SH3BP5: variants seen among roughly 807,000 people sequenced by gnomAD.
The protein encoded by SH3BP5 is SH3 domain binding protein 5.
SH3BP5 carries 22 observed loss-of-function variants against 43.3 expected under a neutral mutation model. The ratio of observed to expected loss-of-function variants is 0.51; its 90% CI spans 0.36 to 0.73. SH3BP5 has a LOEUF of 0.73. SH3BP5 is among the 30% of genes least tolerant of loss of function. The pLI is 0.00. For missense variants in SH3BP5, 529 were observed against 586.9 expected (o/e 0.90, Z 1.02); for synonymous variants, 255 against 225.8 (o/e 1.13, Z -1.16).
At chr3:15,299,534 C>T (rs1409344048) in intron 3 of SH3BP5, among the ~76,000 whole-genome samples, 1 of 131,354 alleles carries the variant, frequency 7.6e-6, no homozygotes, top group Non-Finnish European at 1.6e-5. Flanking sequence ...TGCTCTGTCA[C>T]CCAGGCTGGA....
At chr3:15,291,296 C>T (rs966730298) in intron 3 of SH3BP5, among the ~76,000 whole-genome samples, 8 of 152,172 alleles carry the variant, frequency 5.3e-5, no homozygotes, top group African/African-American at 1.4e-4. Context: ...CACAGCTCCA[C>T]ATGCTGTGGA....
intron 1 of SH3BP5, among the ~76,000 whole-genome samples, chr3:15,331,051 A>G (rs1307179770): frequency 6.6e-6 from 1 of 152,254 alleles, no homozygotes; most frequent in Non-Finnish European, 1.5e-5. Context: ...TCACACTGCC[A>G]ATTATTCAAC....
Position 15,286,103 on chromosome 3 carries a change from C to T in SH3BP5, c.331-16226G>A, listed in dbSNP as rs144405505. On this transcript the variant is annotated intron_variant, in intron 3 of 8. Transcript: ENST00000383791. ...AGACGCTCGGCATGGCTGCAGCCGG[C>T]GGGCCCTGGCCAGAGCAGGCTATCA... 6.8e-3 allele frequency among the ~76,000 whole-genome samples: 1,038 copies of T among 152,344 alleles called. 12 individuals are homozygous for T. The highest frequency in any genetic ancestry group is 0.024 in the African/African-American group (998 of 41,558).
chr3:15,260,011 G>A, intron 5 of SH3BP5: 1 of 598,128 alleles, frequency 1.7e-6, no homozygotes, highest in Non-Finnish European at 3.0e-6. Context: ...CTCACCCAGG[G>A]CTATATTAAC....
intron 4 of SH3BP5, 133 bp downstream of exon 4, chr3:15,269,580 G>C: frequency 1.1e-6 from 1 of 940,816 alleles, no homozygotes; most frequent in East Asian, 2.7e-5. Context: ...AGATCATACG[G>C]AGATGACAAC....
chr3:15,280,381 G>C (rs1358472062), intron 3 of SH3BP5, among the ~76,000 whole-genome samples: 1 of 151,900 alleles, frequency 6.6e-6, no homozygotes, highest in African/African-American at 2.4e-5. Context: ...TACCCAAAAG[G>C]AAAAAAACCC....
intron 2 of SH3BP5, among the ~76,000 whole-genome samples, chr3:15,327,312 C>T (rs907789285): frequency 3.3e-5 from 5 of 151,976 alleles, no homozygotes; most frequent in African/African-American, 1.2e-4. Context: ...AGGCAGGAGA[C>T]TGGCTTGAAC....
chr3:15,274,069 C>T (rs531270632), intron 3 of SH3BP5, among the ~76,000 whole-genome samples: 4 of 152,214 alleles, frequency 2.6e-5, no homozygotes, highest in African/African-American at 7.2e-5. Context: ...CATGGTGAAA[C>T]ACCGTCTCTA....
In SH3BP5 at chr3:15,293,439, C is replaced by G. The variant is rs113652480; in HGVS notation, c.330+10664G>C. ...AGCCACACTGAAGTCCTAGCAGGAACAGGGCACCATGAGGGGAAAGTTCCC... is the reference window on the plus strand; with the variant it reads ...AGCCACACTGAAGTCCTAGCAGGAAGAGGGCACCATGAGGGGAAAGTTCCC... On this transcript the variant is annotated intron_variant, in intron 3 of 8. Transcript: ENST00000383791. Among the ~76,000 whole-genome samples the G allele has an allele frequency of 7.1e-3, 1,075 of 152,326 alleles. 13 individuals carry two copies. The highest frequency in any genetic ancestry group is 0.025 in the African/African-American group (1,021 of 41,566).
At chr3:15,284,602 T>C (rs1191791962) in intron 3 of SH3BP5, among the ~76,000 whole-genome samples, 1 of 152,180 alleles carries the variant, frequency 6.6e-6, no homozygotes, top group African/African-American at 2.4e-5. Flanking sequence ...CCAGCTGGGA[T>C]CAACAAAAGG....
chr3:15,282,930 GT>G (rs1239800335), intron 3 of SH3BP5, among the ~76,000 whole-genome samples: 2 of 152,054 alleles, frequency 1.3e-5, no homozygotes, highest in African/African-American at 4.8e-5. Context: ...ATAATAAAAA[GT>G]TGTAAAGAAA....
intron 1 of SH3BP5, among the ~76,000 whole-genome samples, chr3:15,339,283 CTT>C (rs987567952): frequency 2.6e-5 from 4 of 152,168 alleles, no homozygotes; most frequent in Non-Finnish European, 5.9e-5. Flanking sequence ...AAACTTGTCT[CTT>C]GACCCAGATG....
At chr3:15,269,919 G>A (rs1696752545) in intron 3 of SH3BP5, 42 bp from the exon 4 acceptor site, 2 of 1,470,640 alleles carry the variant, frequency 1.4e-6, no homozygotes, top group Non-Finnish European at 1.8e-6. Context: ...GAAAATGGCA[G>A]GGGCTCCCCA....
At chr3:15,314,113 A>C (rs1698127322) in intron 2 of SH3BP5, among the ~76,000 whole-genome samples, 1 of 151,476 alleles carries the variant, frequency 6.6e-6, no homozygotes, top group Non-Finnish European at 1.5e-5. Flanking sequence ...AAAAATTAAA[A>C]CTTAATTAAC....
intron 3 of SH3BP5, chr3:15,275,965 A>G (rs57908598): frequency 0.053 from 7,634 of 144,192 alleles, 680 homozygotes; most frequent in African/African-American, 0.19. Context: ...GGTTGCAGCA[A>G]GCCAAGATCG....
In SH3BP5 at chr3:15,269,760, G is replaced by GCCGCTTGTCATCCTC; in HGVS notation, c.433_447dup (p.Glu145_Arg149dup). On this transcript the variant is annotated inframe_insertion, in exon 4 of 9. Coordinates refer to ENST00000383791, the MANE Select transcript of SH3BP5 (RefSeq NM_004844.5). ...ATCTCCTGCCAGGCGGAGTCGAACT[G>GCCGCTTGTCATCCTC]CCGCTTGTCATCCTCCAGCAGCCGC... 1.2e-6 allele frequency: 2 copies of GCCGCTTGTCATCCTC among 1,611,936 alleles called. No homozygotes were observed. The highest frequency in any genetic ancestry group is 8.5e-7 in the Non-Finnish European group (1 of 1,178,702).
upstream of SH3BP5, chr3:15,333,140 C>A: frequency 7.1e-6 from 7 of 985,440 alleles, no homozygotes; most frequent in Non-Finnish European, 8.4e-6. Flanking sequence ...AAGGAGGTGG[C>A]AAGTGTAACC....
chr3:15,314,783 T>C (rs1214489025), intron 2 of SH3BP5, among the ~76,000 whole-genome samples: 2 of 152,150 alleles, frequency 1.3e-5, no homozygotes, highest in Non-Finnish European at 2.9e-5. Flanking sequence ...AACTTCAAGA[T>C]CACTGCTGGA....
At chr3:15,275,906 G>A (rs984452493) in intron 3 of SH3BP5, 3 of 150,796 alleles carry the variant, frequency 2.0e-5, no homozygotes, top group Non-Finnish European at 4.4e-5. Context: ...TGTACTCCCA[G>A]CTACTCGGGA....
Sources: allele counts gnomAD v4.1 joint callset (sites outside exome capture counted in the v4.1 genomes callset), GRCh38; gene constraint gnomAD v4.1.1; transcripts MANE v1.5; gene names NCBI Gene and HGNC (gene_info 2026-07-23, HGNC 2026-07-21).